Variants in SMYD3 observed in about 807,000 individuals in gnomAD.
SMYD3 encodes SET and MYND domain containing 3.
Under a neutral mutation model 57.7 loss-of-function variants are expected in SMYD3, and 36 were observed. The ratio of observed to expected loss-of-function variants is 0.62; its 90% confidence interval spans 0.48 to 0.82. SMYD3 has a LOEUF of 0.82. Among genes scored for constraint, SMYD3 ranks in the 40% least tolerant of loss-of-function variants. SMYD3 has a pLI of 0.00. For missense variants in SMYD3, 515 were observed against 538.8 expected (o/e 0.96, Z 0.44); for synonymous variants, 211 against 195.0 (o/e 1.08, Z -0.68).
Position 246,361,727 on chromosome 1 carries a change from T to C in SMYD3, c.165-6633A>G, listed in dbSNP as rs553185076. On this transcript the variant is annotated intron_variant, in intron 1 of 11. Transcript: ENST00000490107. Reference sequence around the variant, plus strand: ...ACCAAACATCGTATGTTCTCACTCATATGTGGGAGCTAAGCTATGAGGATG... The same window carrying C: ...ACCAAACATCGTATGTTCTCACTCACATGTGGGAGCTAAGCTATGAGGATG... Among the ~76,000 whole-genome samples, 14 of 152,230 alleles carry C rather than the reference T, an allele frequency of 9.2e-5. No individual in the cohort carries two copies. In the South Asian group the frequency reaches 2.9e-3, roughly 32 times the overall value.
chr1:246,145,248 T>C (rs1052909949), intron 5 of SMYD3, among the ~76,000 whole-genome samples: 5 of 152,198 alleles, frequency 3.3e-5, no homozygotes, highest in African/African-American at 9.6e-5. Flanking sequence ...GAGCTTCTGG[T>C]TCTTATTTGC....
intron 8 of SMYD3, 78 bp from the exon 9 acceptor site, chr1:245,863,964 A>G: frequency 7.5e-7 from 1 of 1,329,776 alleles, no homozygotes; most frequent in Non-Finnish European, 1.1e-6. Flanking sequence ...TCTCCCAGAT[A>G]TACAAATGGC....
intron 5 of SMYD3, among the ~76,000 whole-genome samples, chr1:246,108,120 G>T (rs1170055946): frequency 6.6e-6 from 1 of 152,204 alleles, no homozygotes; most frequent in Non-Finnish European, 1.5e-5. Flanking sequence ...AGGTCTTCTT[G>T]TGCAAAGGAA....
At chr1:245,770,892 A>G (rs1472805020) in intron 10 of SMYD3, among the ~76,000 whole-genome samples, 1 of 152,220 alleles carries the variant, frequency 6.6e-6, no homozygotes, top group Non-Finnish European at 1.5e-5. Context: ...AGAGCTGAGG[A>G]AAGAATTAGT....
chr1:245,857,006 T>G (rs531224815), intron 10 of SMYD3, among the ~76,000 whole-genome samples: 5 of 152,308 alleles, frequency 3.3e-5, no homozygotes, highest in Middle Eastern at 3.4e-3. Context: ...TCTCTTTGAA[T>G]GCGATTCGTA....
At chr1:246,393,934 T>G (rs537883850) in intron 1 of SMYD3, among the ~76,000 whole-genome samples, 1 of 152,172 alleles carries the variant, frequency 6.6e-6, no homozygotes, top group Non-Finnish European at 1.5e-5. Context: ...ATGGTGAAAA[T>G]TGAAAACTAG....
intron 1 of SMYD3, among the ~76,000 whole-genome samples, chr1:246,463,947 G>A (rs772733379): frequency 6.6e-6 from 1 of 151,760 alleles, no homozygotes; most frequent in Admixed American, 6.6e-5. Context: ...TAAGACAACA[G>A]AGGAGGCATA....
intron 10 of SMYD3, among the ~76,000 whole-genome samples, chr1:245,827,239 C>T (rs10802274): frequency 0.84 from 127,243 of 151,982 alleles, 54,778 homozygotes; most frequent in Non-Finnish European, 0.95. Flanking sequence ...CCCCAGCTCC[C>T]TCTGACTCTA....
chr1:246,264,711 C>T (rs1428005091), intron 5 of SMYD3, among the ~76,000 whole-genome samples: 1 of 152,170 alleles, frequency 6.6e-6, no homozygotes, highest in Non-Finnish European at 1.5e-5. Flanking sequence ...TCTTGAAGTG[C>T]TTCTTAAATT....
At chr1:246,123,544 G>A (rs2061456545) in intron 5 of SMYD3, among the ~76,000 whole-genome samples, 1 of 150,474 alleles carries the variant, frequency 6.6e-6, no homozygotes, top group South Asian at 2.1e-4. Flanking sequence ...TCTCCAGCCT[G>A]GGAGACAGAG....
intron 5 of SMYD3, among the ~76,000 whole-genome samples, chr1:246,029,884 G>C (rs903037758): frequency 6.6e-6 from 1 of 151,800 alleles, no homozygotes; most frequent in Non-Finnish European, 1.5e-5. Context: ...CTCACACACT[G>C]TTGGTGGGAA....
At chr1:245,910,701 A>C (rs2054909131) in intron 8 of SMYD3, among the ~76,000 whole-genome samples, 1 of 152,120 alleles carries the variant, frequency 6.6e-6, no homozygotes, top group Non-Finnish European at 1.5e-5. Context: ...GCCCATATGC[A>C]AAAGAATAAA....
At chr1:246,011,054 A>G (rs2059273602) in intron 5 of SMYD3, among the ~76,000 whole-genome samples, 1 of 152,232 alleles carries the variant, frequency 6.6e-6, no homozygotes, top group Non-Finnish European at 1.5e-5. Context: ...CATTGGGACT[A>G]GAAATCTACA....
chr1:246,096,106 G>A (rs2060909408), intron 5 of SMYD3: 1 of 152,042 alleles, frequency 6.6e-6, no homozygotes, highest in Non-Finnish European at 1.5e-5. Context: ...AAATAAAACC[G>A]ATATATATCA....
At chr1:245,812,959 G>C (rs1253714474) in intron 10 of SMYD3, among the ~76,000 whole-genome samples, 6 of 151,112 alleles carry the variant, frequency 4.0e-5, no homozygotes, top group Admixed American at 4.0e-4. Flanking sequence ...GGGGTGAGGA[G>C]GTGAGGAGGA....
intron 5 of SMYD3, among the ~76,000 whole-genome samples, chr1:246,258,823 AT>A (rs57861200): frequency 6.6e-6 from 1 of 151,822 alleles, no homozygotes; most frequent in Non-Finnish European, 1.5e-5. Context: ...CAGGTTGCTT[AT>A]TTTTTTCCTT....
Position 245,834,940 on chromosome 1 carries a change from T to C in SMYD3, c.1076+23556A>G, listed in dbSNP as rs773667322. On this transcript the variant is annotated intron_variant, in intron 10 of 11. Coordinates refer to ENST00000490107, the MANE Select transcript of SMYD3 (RefSeq NM_001167740.2). ...TCTTGGGGAAGACATTCCCACGTTA[T>C]AGGAACATGGGCCTTTTCCATTATA... is the stretch of plus-strand genomic sequence containing the variant. Among the ~76,000 whole-genome samples the C allele has an allele frequency of 2.6e-5, 4 of 152,318 alleles. No homozygotes were observed. The East Asian group carries it at 5.8e-4, about 22-fold the overall frequency.
At chr1:246,240,300 T>A (rs907070954) in intron 5 of SMYD3, among the ~76,000 whole-genome samples, 1 of 152,260 alleles carries the variant, frequency 6.6e-6, no homozygotes, top group African/African-American at 2.4e-5. Flanking sequence ...GTTTTAGCTT[T>A]CTACATGTGG....
At chr1:245,822,684 A>G (rs1423750338) in intron 10 of SMYD3, among the ~76,000 whole-genome samples, 4 of 152,200 alleles carry the variant, frequency 2.6e-5, no homozygotes, top group African/African-American at 9.6e-5. Flanking sequence ...CTGAGGGTGA[A>G]GCCTCACTTA....
Sources: allele counts gnomAD v4.1 joint callset (sites outside exome capture counted in the v4.1 genomes callset), GRCh38; gene constraint gnomAD v4.1.1; transcripts MANE v1.5; gene names NCBI Gene and HGNC (gene_info 2026-07-23, HGNC 2026-07-21).